COMMD9: variants seen among roughly 807,000 people sequenced by gnomAD.
COMMD9 encodes COMM domain-containing protein 9.
COMMD9 carries 22 observed loss-of-function variants against 23.4 expected under a neutral mutation model. The ratio of observed to expected loss-of-function variants is 0.94; its 90% CI spans 0.67 to 1.34. The LOEUF is 1.34. COMMD9 is among the 40% of genes most tolerant of loss of function. COMMD9 has a pLI of 0.00. For synonymous variants in COMMD9, 99 were observed against 97.4 expected, an observed-to-expected ratio of 1.02 and a Z score of -0.10; for missense variants, 231 against 240.2, an observed-to-expected ratio of 0.96 and a Z score of 0.25.
rs1412248072 is a variant in COMMD9, at chr11:36,274,011, G to A, written c.*621C>T. 4.4e-6 allele frequency: 1 copy of A among 228,574 alleles called. No individual in the cohort carries two copies. Among genetic ancestry groups the A allele is most frequent in the African/African-American group, 2.2e-5 (1 of 44,652 alleles). 14.2% of individuals were successfully genotyped at this position (228,574 alleles called of 1,614,324 possible). ...CAATTATTCCCACTTCTTCACCTAG[G>A]AGTGGCTGCATTAGATGAAGGAAGA... On this transcript the variant is annotated 3_prime_UTR_variant, in exon 6 of 6. Coordinates refer to ENST00000263401, the MANE Select transcript of COMMD9 (RefSeq NM_014186.4).
chr11:36,289,396 G>C lies in COMMD9; in HGVS notation c.17C>G (p.Ala6Gly). 2 of 1,551,982 alleles carry C rather than the reference G, an allele frequency of 1.3e-6. No homozygotes were observed. The highest frequency in any genetic ancestry group is 1.7e-6 in the Non-Finnish European group (2 of 1,147,174). ...GCTCTGGAGTGCTGCAAAATGCTCC[G>C]CTGTCAGGGCAGCCATCTTGCCGAA... MAALT[A>G]EHFAALQSLL... Residue 6 changes from alanine to glycine, a missense_variant, in exon 1 of 6, where the codon GCG becomes GGG. Coordinates refer to ENST00000263401, the MANE Select transcript of COMMD9 (RefSeq NM_014186.4).
Position 36,276,232 on chromosome 11 carries a change from G to C in COMMD9, c.361C>G (p.Pro121Ala). The C allele has an allele frequency of 6.2e-7, 1 of 1,612,894 alleles. No homozygotes were observed. Among genetic ancestry groups the C allele is most frequent in the Non-Finnish European group, 8.5e-7 (1 of 1,178,890 alleles). ...TEAQANQISL[P>A]RLVDLDWRVD... ...CTCCAGTCCAGATCGACCAGGCGTG[G>C]CAGAGAGACTGTGGAAGGAACAGCT... Residue 121 changes from proline to alanine, a missense_variant, in exon 5 of 6, where the codon CCA (proline) becomes GCA (alanine). Physicochemically the swap from Pro to Ala is conservative, Grantham distance 27 (BLOSUM62 -1). Coordinates refer to ENST00000263401, the MANE Select transcript of COMMD9 (RefSeq NM_014186.4).
chr11:36,289,007 T>C (rs1856220815), intron 1 of COMMD9, among the ~76,000 whole-genome samples: 1 of 152,024 alleles, frequency 6.6e-6, no homozygotes, highest in South Asian at 2.1e-4. Context: ...ATTTCTTAAT[T>C]GTGCAATGCA....
At chr11:36,285,558 G>C (rs1192868295) in intron 1 of COMMD9, among the ~76,000 whole-genome samples, 2 of 151,932 alleles carry the variant, frequency 1.3e-5, no homozygotes, top group Non-Finnish European at 2.9e-5. Flanking sequence ...AAATTGTACA[G>C]AAAAATGAGA....
chr11:36,288,777 A>T (rs1856216299), intron 1 of COMMD9, among the ~76,000 whole-genome samples: 1 of 152,172 alleles, frequency 6.6e-6, no homozygotes, highest in African/African-American at 2.4e-5. Context: ...TCCAGCCTGG[A>T]CAACAGAGCT....
At chr11:36,276,901 T>C (rs1489057337) in intron 4 of COMMD9, 188 bp downstream of exon 4, 1 of 413,162 alleles carries the variant, frequency 2.4e-6, no homozygotes, top group Non-Finnish European at 4.4e-6. Flanking sequence ...CATGCCTATA[T>C]AATAATGTTT....
chr11:36,285,219 T>A (rs1425855928), intron 1 of COMMD9, among the ~76,000 whole-genome samples: 1 of 152,176 alleles, frequency 6.6e-6, no homozygotes, highest in East Asian at 1.9e-4. Flanking sequence ...TAATGGGAAC[T>A]TAATGAAAAA....
intron 2 of COMMD9, among the ~76,000 whole-genome samples, chr11:36,279,429 T>G (rs1443908239): frequency 6.6e-6 from 1 of 152,196 alleles, no homozygotes; most frequent in African/African-American, 2.4e-5. Flanking sequence ...TTTCTCTGCT[T>G]TAGGGCTTTC....
At chr11:36,275,104 G>A (rs1855948460) in intron 5 of COMMD9, among the ~76,000 whole-genome samples, 3 of 152,210 alleles carry the variant, frequency 2.0e-5, no homozygotes, top group Non-Finnish European at 4.4e-5. Flanking sequence ...GTACTTTAAG[G>A]AGCAGGTTCT....
chr11:36,275,606 G>A (rs889852625), intron 5 of COMMD9, among the ~76,000 whole-genome samples: 6 of 152,052 alleles, frequency 3.9e-5, no homozygotes, highest in African/African-American at 1.4e-4. Context: ...ACCACGCCCG[G>A]CTTATTTTTG....
rs544627081 is a variant in COMMD9 at position 36,277,414 on chromosome 11, A to G, written c.318-291T>C. Among the ~76,000 whole-genome samples, 86 of 152,372 alleles carry G rather than the reference A, an allele frequency of 5.6e-4. 1 individual carries two copies. The highest frequency in any genetic ancestry group is 2.0e-3 in the African/African-American group (83 of 41,586). ...CTATTGTTCTTTTGTGCTTTTGTTC[A>G]AAGACAAAACAGAAAAAAAGGTCAA... On this transcript the variant is annotated intron_variant, in intron 3 of 5. Coordinates refer to ENST00000263401, the MANE Select transcript of COMMD9 (RefSeq NM_014186.4).
intron 3 of COMMD9, 140 bp downstream of exon 3, chr11:36,278,337 A>G (rs1238645511): frequency 1.4e-6 from 1 of 730,608 alleles, no homozygotes; most frequent in Non-Finnish European, 2.3e-6. Flanking sequence ...GGCTGGTGGA[A>G]TTACAGGTGT....
At chr11:36,275,829 G>A (rs899989852) in intron 5 of COMMD9, among the ~76,000 whole-genome samples, 10 of 152,156 alleles carry the variant, frequency 6.6e-5, no homozygotes, top group African/African-American at 1.9e-4. Context: ...TGAAATGATC[G>A]GGCAGGCTAT....
rs939926202 is a variant in COMMD9 at position 36,272,618 on chromosome 11, C to T, written c.*2014G>A. ...CGGGCTGGCTTCTGGGGTCCTTGACCTCTTGTCGTTGCATGCAAAAAATTG... is the reference window on the plus strand; with the variant it reads ...CGGGCTGGCTTCTGGGGTCCTTGACTTCTTGTCGTTGCATGCAAAAAATTG... On this transcript the variant is annotated 3_prime_UTR_variant, in exon 6 of 6. Transcript: ENST00000263401. The T allele has an allele frequency of 6.6e-6, 1 of 152,216 alleles. No individual in the cohort carries two copies. Among genetic ancestry groups the T allele is most frequent in the Admixed American group, 6.5e-5 (1 of 15,282 alleles). The allele number at this position is 152,216 out of a possible 1,614,324, so 9.4% of individuals were successfully genotyped here. A position where few individuals can be genotyped will look rare whatever the true frequency, so the allele number is the denominator to read the frequency against.
In COMMD9 at chr11:36,273,268, G is replaced by A. The variant is rs886529656; in HGVS notation, c.*1364C>T. 1.3e-5 allele frequency: 2 copies of A among 152,092 alleles called. No individual in the cohort carries two copies. Among genetic ancestry groups the A allele is most frequent in the African/African-American group, 4.8e-5 (2 of 41,404 alleles). The allele number at this position is 152,092 out of a possible 1,614,324, so 9.4% of individuals were successfully genotyped here. On this transcript the variant is annotated 3_prime_UTR_variant, in exon 6 of 6. Coordinates refer to ENST00000263401, the MANE Select transcript of COMMD9 (RefSeq NM_014186.4). ...CTCCATTCACTCCATACACAAACTA[G>A]CAGAGAAGCTGCCAAAACAAAGCAC...
intron 5 of COMMD9, among the ~76,000 whole-genome samples, chr11:36,275,784 GCCTAATCA>G (rs145860615): frequency 0.039 from 5,939 of 152,292 alleles, 192 homozygotes; most frequent in East Asian, 0.11. Flanking sequence ...AATAATGACA[GCCTAATCA>G]CTGGACAAGA....
chr11:36,275,511 T>C (rs761119171), intron 5 of COMMD9, among the ~76,000 whole-genome samples: 2 of 150,802 alleles, frequency 1.3e-5, no homozygotes, highest in Non-Finnish European at 3.0e-5. Flanking sequence ...TGGTGTGATC[T>C]CGGCTCACTG....
intron 2 of COMMD9, among the ~76,000 whole-genome samples, chr11:36,280,017 G>A (rs1856038872): frequency 6.6e-6 from 1 of 152,048 alleles, no homozygotes; most frequent in Admixed American, 6.6e-5. Context: ...GAGGTGGGAG[G>A]ACTGCCTGAG....
chr11:36,275,141 T>C (rs1431063545), intron 5 of COMMD9, among the ~76,000 whole-genome samples: 1 of 152,246 alleles, frequency 6.6e-6, no homozygotes, highest in East Asian at 1.9e-4. Context: ...AATCCTGCAT[T>C]GGGATGCAGG....
Sources: allele counts gnomAD v4.1 joint callset (sites outside exome capture counted in the v4.1 genomes callset), GRCh38; gene constraint gnomAD v4.1.1; transcripts MANE v1.5; gene names NCBI Gene and HGNC (gene_info 2026-07-23, HGNC 2026-07-21).